The following TAFA5 variants were observed in gnomAD, a reference collection of about 807,000 sequenced individuals.
TAFA5 encodes TAFA chemokine like family member 5.
Under a neutral mutation model 15.3 loss-of-function variants are expected in TAFA5, and 6 were observed. That is an observed-to-expected ratio of 0.39 (90% CI 0.21 to 0.77). The LOEUF (loss-of-function observed/expected upper bound fraction) is 0.77, where lower values mean the gene tolerates loss of function less well. TAFA5 is among the 30% of genes least tolerant of loss of function. The pLI, the probability that TAFA5 is intolerant of heterozygous loss-of-function variation, is 0.41. For missense variants in TAFA5, 161 were observed against 193.1 expected, an observed-to-expected ratio of 0.83 and a Z score of 0.98; for synonymous variants, 103 against 80.7, an observed-to-expected ratio of 1.28 and a Z score of -1.48.
chr22:48,679,956 G>A (rs1021668073), intron 2 of TAFA5, among the ~76,000 whole-genome samples: 1 of 152,206 alleles, frequency 6.6e-6, no homozygotes, highest in African/African-American at 2.4e-5. Context: ...GGCCTAGGGC[G>A]GACCCCATGA....
chr22:48,539,262 G>C, intron 1 of TAFA5: 1 of 438,092 alleles, frequency 2.3e-6, no homozygotes. Context: ...CAGGGCCCTG[G>C]AGAGGTGGCC....
intron 1 of TAFA5, among the ~76,000 whole-genome samples, chr22:48,558,678 C>G (rs933845056): frequency 2.0e-5 from 3 of 152,160 alleles, no homozygotes; most frequent in Admixed American, 6.5e-5. Flanking sequence ...CTGGGAGACT[C>G]GAATGCGGAG....
intron 2 of TAFA5, among the ~76,000 whole-genome samples, chr22:48,690,265 G>A (rs1310835451): frequency 6.6e-6 from 1 of 152,190 alleles, no homozygotes; most frequent in Non-Finnish European, 1.5e-5. Flanking sequence ...CTTGGCCCAG[G>A]TGGTAACTGT....
intron 2 of TAFA5, among the ~76,000 whole-genome samples, chr22:48,685,933 G>A (rs1928338840): frequency 1.4e-5 from 2 of 146,210 alleles, no homozygotes; most frequent in East Asian, 1.9e-4. Flanking sequence ...TGCGCCCCGG[G>A]AGTACACACA....
intron 2 of TAFA5, among the ~76,000 whole-genome samples, chr22:48,678,221 C>T (rs1456743699): frequency 6.6e-6 from 1 of 152,176 alleles, no homozygotes; most frequent in Non-Finnish European, 1.5e-5. Context: ...TTTCCTGTTC[C>T]CTTAAGCTGG....
intron 3 of TAFA5, among the ~76,000 whole-genome samples, chr22:48,748,060 A>G (rs967645177): frequency 6.6e-6 from 1 of 152,156 alleles, no homozygotes; most frequent in Non-Finnish European, 1.5e-5. Context: ...GCACAGGGTA[A>G]ACCTCTTATG....
At chr22:48,506,316 GTCCAGAACCCTTCCT>G (rs1920996889) in intron 1 of TAFA5, among the ~76,000 whole-genome samples, 1 of 152,230 alleles carries the variant, frequency 6.6e-6, no homozygotes, top group African/African-American at 2.4e-5. Flanking sequence ...GGAACATGGG[GTCCAGAACCCTTCCT>G]GCAGCCTTGT....
At chr22:48,503,331 C>T (rs925586350) in intron 1 of TAFA5, among the ~76,000 whole-genome samples, 3 of 152,230 alleles carry the variant, frequency 2.0e-5, no homozygotes, top group Non-Finnish European at 4.4e-5. Context: ...AAGCCACTGA[C>T]TCGTGGGCCC....
chr22:48,648,178 C>T (rs912530515), intron 2 of TAFA5, among the ~76,000 whole-genome samples: 18 of 152,084 alleles, frequency 1.2e-4, no homozygotes, highest in Admixed American at 3.9e-4. Context: ...CTTCTGGGGA[C>T]GCGGTGCAGG....
intron 2 of TAFA5, among the ~76,000 whole-genome samples, chr22:48,649,510 T>A (rs1169572714): frequency 2.6e-5 from 4 of 152,154 alleles, no homozygotes; most frequent in Admixed American, 6.5e-5. Flanking sequence ...ATTAAAAACA[T>A]CTATCAATTT....
intron 2 of TAFA5, among the ~76,000 whole-genome samples, chr22:48,695,207 A>T (rs543852328): frequency 6.6e-6 from 1 of 152,102 alleles, no homozygotes; most frequent in East Asian, 1.9e-4. Context: ...GTCTGTATTA[A>T]CGTTGCCCAC....
At chr22:48,623,328 GGCC>G in intron 1 of TAFA5, among the ~76,000 whole-genome samples, 1 of 117,452 alleles carries the variant, frequency 8.5e-6, no homozygotes, top group Non-Finnish European at 1.9e-5. Context: ...CATGTCGCGT[GGCC>G]CTGCGTGGTG....
chr22:48,517,630 C>A (rs1921457510), intron 1 of TAFA5, among the ~76,000 whole-genome samples: 1 of 152,208 alleles, frequency 6.6e-6, no homozygotes, highest in Non-Finnish European at 1.5e-5. Context: ...CCGCCGGGCC[C>A]TGGGCCACCA....
At position 48,505,551 on chromosome 22, in the gene TAFA5, G is replaced by T. The variant is rs534039345; in HGVS notation, c.112+15847G>T. Among the ~76,000 whole-genome samples, 5 of 152,330 alleles carry T rather than the reference G, an allele frequency of 3.3e-5. No homozygotes were observed. The South Asian group carries it at 1.0e-3, about 32-fold the overall frequency. On this transcript the variant is annotated intron_variant, in intron 1 of 3. Transcript: ENST00000402357. ...CATTAAAAGGCCTACTGCCCCAAGGGGGGCTGTGGAGCTGCATGGCCAGCG... is the reference window on the plus strand; with the variant it reads ...CATTAAAAGGCCTACTGCCCCAAGGTGGGCTGTGGAGCTGCATGGCCAGCG...
intron 1 of TAFA5, among the ~76,000 whole-genome samples, chr22:48,491,379 G>A (rs1283127732): frequency 6.6e-6 from 1 of 152,126 alleles, no homozygotes; most frequent in Non-Finnish European, 1.5e-5. Context: ...CCAGAGGAGA[G>A]GAGAGAGAGG....
intron 1 of TAFA5, among the ~76,000 whole-genome samples, chr22:48,584,450 C>T (rs530469291): frequency 2.7e-5 from 4 of 148,926 alleles, no homozygotes; most frequent in East Asian, 2.0e-4. Context: ...ACACCACACA[C>T]GTACACACCA....
At chr22:48,656,691 A>T (rs1307126218) in intron 2 of TAFA5, among the ~76,000 whole-genome samples, 1 of 146,268 alleles carries the variant, frequency 6.8e-6, no homozygotes, top group African/African-American at 2.5e-5. Context: ...AAAATTACCA[A>T]AAGTTCTTTT....
chr22:48,590,120 A>G lies in TAFA5; in HGVS notation c.113-56477A>G, dbSNP rs150940301. Among the ~76,000 whole-genome samples, 128 of 152,272 alleles carry G rather than the reference A, an allele frequency of 8.4e-4. 1 individual carries two copies. In the South Asian group the frequency reaches 0.011, roughly 13 times the overall value. On this transcript the variant is annotated intron_variant, in intron 1 of 3. Coordinates refer to ENST00000402357, the MANE Select transcript of TAFA5 (RefSeq NM_001082967.3). Reference sequence around the variant, plus strand: ...GTCTCAAGGAGGACCTGGAGGGGACAGATGCTCCGTCAGCATGAAGGGGAA... The same window carrying G: ...GTCTCAAGGAGGACCTGGAGGGGACGGATGCTCCGTCAGCATGAAGGGGAA...
intron 2 of TAFA5, among the ~76,000 whole-genome samples, chr22:48,649,845 G>A (rs1054444877): frequency 5.9e-5 from 9 of 152,240 alleles, no homozygotes; most frequent in African/African-American, 1.9e-4. Flanking sequence ...ACTTCCGCCC[G>A]CCTATCGGCA....
Sources: allele counts gnomAD v4.1 joint callset (sites outside exome capture counted in the v4.1 genomes callset), GRCh38; gene constraint gnomAD v4.1.1; transcripts MANE v1.5; gene names NCBI Gene and HGNC (gene_info 2026-07-23, HGNC 2026-07-21).